Variants in TTC34 observed in about 807,000 individuals in gnomAD.
TTC34 encodes the protein tetratricopeptide repeat protein 34.
Under a neutral mutation model 40.7 loss-of-function variants are expected in TTC34, and 44 were observed. The observed-to-expected ratio is 1.08, with a 90% CI of 0.85 to 1.39. The LOEUF is 1.39. TTC34 is among the 40% of genes most tolerant of loss of function. The pLI is 0.00. For missense variants in TTC34, 884 were observed against 838.0 expected, an observed-to-expected ratio of 1.05 and a Z score of -0.68; for synonymous variants, 422 against 398.6, an observed-to-expected ratio of 1.06 and a Z score of -0.70.
intron 2 of TTC34, 105 bp from the exon 3 acceptor site, chr1:2,790,451 G>A (rs1643650982): frequency 5.0e-6 from 2 of 397,352 alleles, no homozygotes; most frequent in Admixed American, 8.8e-5. Context: ...AGGAGACTGT[G>A]AGTCCTCCTG....
At chr1:2,799,329 G>A (rs1023009275) in intron 2 of TTC34, among the ~76,000 whole-genome samples, 1 of 152,196 alleles carries the variant, frequency 6.6e-6, no homozygotes, top group Non-Finnish European at 1.5e-5. Flanking sequence ...GATCACTTGA[G>A]GTTAGGAATT....
chr1:2,700,635 A>T (rs1183491969), intron 6 of TTC34, among the ~76,000 whole-genome samples: 1 of 120,884 alleles, frequency 8.3e-6, no homozygotes, highest in African/African-American at 2.7e-5. Flanking sequence ...TGAGAATATG[A>T]CAGCCTGAAA....
Position 2,750,730 on chromosome 1 carries a change from C to A in TTC34, c.2226+32879G>T, listed in dbSNP as rs1470459569. Among the ~76,000 whole-genome samples the A allele has an allele frequency of 1.5e-4, 20 of 134,718 alleles. 1 individual carries two copies. In the East Asian group the frequency reaches 3.3e-3, roughly 22 times the overall value. The allele number at this position is 134,718 out of a possible 152,430, so 88.4% of individuals were successfully genotyped here. ...CAGCCTGGAGCAGCACCCACACCCCCAGGTGAGCATCTGATGGTCTGGAGC... is the reference window on the plus strand; with the variant it reads ...CAGCCTGGAGCAGCACCCACACCCCAAGGTGAGCATCTGATGGTCTGGAGC... On this transcript the variant is annotated intron_variant, in intron 6 of 8. Coordinates refer to ENST00000401095, the Ensembl canonical transcript of TTC34.
At chr1:2,688,570 C>A (rs1339783973) in intron 6 of TTC34, among the ~76,000 whole-genome samples, 3 of 143,924 alleles carry the variant, frequency 2.1e-5, no homozygotes, top group East Asian at 2.0e-4. Flanking sequence ...AGCACCCACA[C>A]CTTCCGGCGC....
intron 6 of TTC34, chr1:2,775,321 G>A (rs1557670731): frequency 6.6e-6 from 1 of 150,780 alleles, no homozygotes; most frequent in South Asian, 2.1e-4. Context: ...CCCAGGTGAG[G>A]ATCTGACTAC....
chr1:2,687,253 G>T (rs554372846), intron 6 of TTC34, among the ~76,000 whole-genome samples: 2 of 124,252 alleles, frequency 1.6e-5, no homozygotes, highest in East Asian at 4.3e-4. Flanking sequence ...ACCCCCAGGT[G>T]CGCATCTGAT....
chr1:2,691,224 C>G (rs71256994), intron 6 of TTC34, among the ~76,000 whole-genome samples: 1 of 75,374 alleles, frequency 1.3e-5, no homozygotes, highest in Non-Finnish European at 3.3e-5. Flanking sequence ...ACCCACACGC[C>G]CAGGTGAGCA....
intron 6 of TTC34, among the ~76,000 whole-genome samples, chr1:2,688,066 A>G (rs1640448738): frequency 3.3e-5 from 5 of 151,904 alleles, no homozygotes; most frequent in African/African-American, 1.2e-4. Context: ...AGCATCTGAC[A>G]GCCTGGAACA....
At chr1:2,693,237 C>A (rs200725691) in intron 6 of TTC34, among the ~76,000 whole-genome samples, 2 of 128,218 alleles carry the variant, frequency 1.6e-5, no homozygotes, top group African/African-American at 3.0e-5. Context: ...CACAGGTGAG[C>A]ATCTGACAGC....
intron 6 of TTC34, among the ~76,000 whole-genome samples, chr1:2,657,394 T>A (rs1317662885): frequency 6.5e-5 from 6 of 92,944 alleles, no homozygotes; most frequent in Non-Finnish European, 2.8e-5. Context: ...GAGGTGAGCA[T>A]CTGACCTCCC....
exon 8 of TTC34, chr1:2,644,349 A>C: frequency 6.5e-7 from 1 of 1,535,982 alleles, no homozygotes; most frequent in African/African-American, 1.4e-5. Flanking sequence ...CAGGCTCTGC[A>C]GGTCCCTTGC....
Position 2,748,830 on chromosome 1 carries a change from G to A in TTC34, c.2226+34779C>T, listed in dbSNP as rs1311815087. On this transcript the variant is annotated intron_variant, in intron 6 of 8. Coordinates refer to ENST00000401095, the Ensembl canonical transcript of TTC34. ...AGGCGAGCATCTGACAGCCTCGGTCGGCACCCACAAACCCAGGTGAGCATC... is the reference window on the plus strand; with the variant it reads ...AGGCGAGCATCTGACAGCCTCGGTCAGCACCCACAAACCCAGGTGAGCATC... Among the ~76,000 whole-genome samples, 67 of 120,736 alleles carry A rather than the reference G, an allele frequency of 5.5e-4. 3 individuals are homozygous for A. The highest frequency in any genetic ancestry group is 2.4e-3 in the African/African-American group (64 of 26,748). The allele number at this position is 120,736 out of a possible 152,430, so 79.2% of individuals were successfully genotyped here. A position where few individuals can be genotyped will look rare whatever the true frequency, so the allele number is the denominator to read the frequency against.
At chr1:2,660,819 A>T (rs796302936) in intron 6 of TTC34, among the ~76,000 whole-genome samples, 1 of 6,256 alleles carries the variant, frequency 1.6e-4, no homozygotes, top group Non-Finnish European at 3.5e-4. Flanking sequence ...ACAGCCTGGA[A>T]CAGCACCCAC....
chr1:2,796,165 G>A lies in TTC34; in HGVS notation c.784+3879C>T, dbSNP rs1001372136. ...TTGGGGCCTTGGTTTTGGGCTTCCAGCGTCCAGAACTGGAGCTCATTCATT... is the reference window on the plus strand; with the variant it reads ...TTGGGGCCTTGGTTTTGGGCTTCCAACGTCCAGAACTGGAGCTCATTCATT... On this transcript the variant is annotated intron_variant, in intron 2 of 8. Coordinates refer to ENST00000401095, the Ensembl canonical transcript of TTC34. This position sits in a 1 kb window ranked among gnomAD's most constrained non-coding sequence, Gnocchi z 4.5. 2.6e-5 allele frequency among the ~76,000 whole-genome samples: 4 copies of A among 152,150 alleles called. No individual in the cohort carries two copies. The highest frequency in any genetic ancestry group is 9.7e-5 in the African/African-American group (4 of 41,444).
chr1:2,655,043 G>A (rs1268386564), intron 6 of TTC34, among the ~76,000 whole-genome samples: 2 of 132,448 alleles, frequency 1.5e-5, no homozygotes, highest in African/African-American at 6.1e-5. Flanking sequence ...GCCCGGAACA[G>A]CACGCTGCAC....
intron 6 of TTC34, among the ~76,000 whole-genome samples, chr1:2,675,199 A>C (rs1639858979): frequency 2.7e-5 from 4 of 148,508 alleles, no homozygotes; most frequent in African/African-American, 7.5e-5. Context: ...CAGCACCGAC[A>C]ACCCCAGGTG....
chr1:2,692,532 T>A (rs796078742), intron 6 of TTC34, among the ~76,000 whole-genome samples: 2,220 of 12,158 alleles, frequency 0.18, 8 homozygotes, highest in Middle Eastern at 0.27. Context: ...ACAGCTTGGA[T>A]CAGCACCCAC....
intron 6 of TTC34, among the ~76,000 whole-genome samples, chr1:2,698,465 C>T (rs1196912032): frequency 1.6e-5 from 2 of 122,700 alleles, no homozygotes; most frequent in Non-Finnish European, 3.5e-5. Context: ...GGGCATGTGA[C>T]AGCCTGGATC....
chr1:2,777,078 A>G (rs1477172729), intron 6 of TTC34, among the ~76,000 whole-genome samples: 1 of 37,564 alleles, frequency 2.7e-5, no homozygotes, highest in Non-Finnish European at 5.1e-5. Context: ...ATCCTGGAAC[A>G]GCACCCCACG....
Sources: gnomAD v4.1 joint callset for allele counts (sites outside exome capture counted in the v4.1 genomes callset) on GRCh38, gnomAD v4.1.1 for gene constraint, Gnocchi (gnomAD v3.1) non-coding constraint, MANE v1.5 for transcripts, NCBI Gene and HGNC (gene_info 2026-07-23, HGNC 2026-07-21) for gene names.